Variants in SNTB1 observed in about 807,000 individuals in gnomAD.
The protein encoded by SNTB1 is beta-1-syntrophin.
SNTB1 carries 36 observed loss-of-function variants against 48.9 expected under a neutral mutation model. The ratio of observed to expected loss-of-function variants is 0.74; its 90% confidence interval spans 0.56 to 0.97. The LOEUF is 0.97. SNTB1 is among the 50% of genes least tolerant of loss of function. SNTB1 has a pLI of 0.00. For missense variants in SNTB1, 786 were observed against 703.4 expected (o/e 1.12, Z -1.33); for synonymous variants, 299 against 294.6 (o/e 1.01, Z -0.15).
chr8:120,579,851 C>A (rs2130692855), intron 3 of SNTB1, among the ~76,000 whole-genome samples: 1 of 151,918 alleles, frequency 6.6e-6, no homozygotes, highest in Middle Eastern at 3.4e-3. Context: ...TGAATTCGTG[C>A]ACATATAGGA....
At chr8:120,665,351 C>G (rs565265883) in intron 2 of SNTB1, among the ~76,000 whole-genome samples, 1 of 152,226 alleles carries the variant, frequency 6.6e-6, no homozygotes, top group South Asian at 2.1e-4. Context: ...ACTCGGGAGG[C>G]TGAGGCAGGA....
chr8:120,574,651 G>A (rs1042021866), intron 4 of SNTB1, among the ~76,000 whole-genome samples: 3 of 152,186 alleles, frequency 2.0e-5, no homozygotes, highest in Non-Finnish European at 4.4e-5. Context: ...GAAATAACTT[G>A]TTATGAGATT....
chr8:120,637,039 AC>A (rs1817091579), intron 2 of SNTB1: 3 of 367,366 alleles, frequency 8.2e-6, no homozygotes. Context: ...TCTATAAGTA[AC>A]TGAACAACAT....
chr8:120,583,016 C>T (rs1816074579), intron 3 of SNTB1, among the ~76,000 whole-genome samples: 1 of 152,096 alleles, frequency 6.6e-6, no homozygotes, highest in Non-Finnish European at 1.5e-5. Context: ...CATCTATAAT[C>T]CCAGCGATTT....
chr8:120,626,609 A>G (rs1163304573), intron 3 of SNTB1, among the ~76,000 whole-genome samples: 3 of 152,182 alleles, frequency 2.0e-5, no homozygotes, highest in Admixed American at 1.3e-4. Flanking sequence ...AACTTATAAT[A>G]TAGAACAAGC....
chr8:120,648,960 G>A (rs545599791), intron 2 of SNTB1, among the ~76,000 whole-genome samples: 30 of 150,106 alleles, frequency 2.0e-4, no homozygotes, highest in East Asian at 2.0e-4. Flanking sequence ...TGATCGCATC[G>A]GCTCCTGAGG....
At chr8:120,662,930 A>T (rs1817613830) in intron 2 of SNTB1, among the ~76,000 whole-genome samples, 1 of 147,884 alleles carries the variant, frequency 6.8e-6, no homozygotes, top group Non-Finnish European at 1.5e-5. Context: ...CCTGCTAGGT[A>T]CTGGAGATAC....
At chr8:120,778,405 T>C (rs192759066) in intron 1 of SNTB1, among the ~76,000 whole-genome samples, 98 of 152,302 alleles carry the variant, frequency 6.4e-4, no homozygotes, top group African/African-American at 2.3e-3. Context: ...TTCAGATGCA[T>C]TTAGGAAGGC....
chr8:120,796,577 G>A (rs1032238407), intron 1 of SNTB1, among the ~76,000 whole-genome samples: 9 of 152,002 alleles, frequency 5.9e-5, no homozygotes, highest in South Asian at 2.1e-4. Flanking sequence ...TGCCTGGGAC[G>A]TGCTCCTGAG....
At chr8:120,763,876 T>C (rs1256565604) in intron 1 of SNTB1, among the ~76,000 whole-genome samples, 1 of 152,094 alleles carries the variant, frequency 6.6e-6, no homozygotes, top group Admixed American at 6.6e-5. Flanking sequence ...AGGCTGGTCT[T>C]GAACTCCTGG....
chr8:120,672,850 A>AG (rs891683297), intron 2 of SNTB1, among the ~76,000 whole-genome samples: 49 of 152,194 alleles, frequency 3.2e-4, no homozygotes, highest in African/African-American at 1.1e-3. Context: ...CAGTTATCAC[A>AG]GGGGGATGAT....
chr8:120,718,517 T>G (rs1363315184), intron 1 of SNTB1, among the ~76,000 whole-genome samples: 1 of 152,272 alleles, frequency 6.6e-6, no homozygotes, highest in Non-Finnish European at 1.5e-5. Flanking sequence ...TACATGTTTG[T>G]AAATTTGATT....
intron 3 of SNTB1, among the ~76,000 whole-genome samples, chr8:120,598,364 C>A (rs141518561): frequency 1.2e-4 from 19 of 152,356 alleles, no homozygotes; most frequent in African/African-American, 4.3e-4. Flanking sequence ...AGCCCCACTT[C>A]TTTATGCGAG....
chr8:120,680,594 G>A (rs1817914788), intron 2 of SNTB1, among the ~76,000 whole-genome samples: 1 of 152,098 alleles, frequency 6.6e-6, no homozygotes, highest in African/African-American at 2.4e-5. Context: ...AAAGAGCAGG[G>A]GTGTCTTTGT....
intron 1 of SNTB1, among the ~76,000 whole-genome samples, chr8:120,773,239 C>T (rs1819671690): frequency 1.3e-5 from 2 of 152,036 alleles, no homozygotes; most frequent in South Asian, 2.1e-4. Context: ...AGATTGAGGC[C>T]GGGCATGATG....
chr8:120,581,957 C>T (rs1231402359), intron 3 of SNTB1, among the ~76,000 whole-genome samples: 1 of 152,024 alleles, frequency 6.6e-6, no homozygotes, highest in Non-Finnish European at 1.5e-5. Flanking sequence ...ATTGCTTGAA[C>T]CCGGGAGGTG....
At chr8:120,588,900 G>C (rs543044464) in intron 3 of SNTB1, among the ~76,000 whole-genome samples, 2 of 152,294 alleles carry the variant, frequency 1.3e-5, no homozygotes, top group East Asian at 3.9e-4. Context: ...TCTATAGGGA[G>C]GGGCCTGGGT....
intron 3 of SNTB1, among the ~76,000 whole-genome samples, chr8:120,616,345 C>T (rs1008396026): frequency 6.8e-6 from 1 of 147,832 alleles, no homozygotes; most frequent in Non-Finnish European, 1.5e-5. Context: ...TTTCACATGG[C>T]CTGGGGTACA....
intron 5 of SNTB1, among the ~76,000 whole-genome samples, chr8:120,546,056 A>G (rs1815375230): frequency 1.3e-5 from 2 of 152,222 alleles, no homozygotes; most frequent in Admixed American, 1.3e-4. Flanking sequence ...TAAAGCCCCT[A>G]CTTGTGACTA....
Sources: gnomAD v4.1 joint callset for allele counts (sites outside exome capture counted in the v4.1 genomes callset) on GRCh38, gnomAD v4.1.1 for gene constraint, MANE v1.5 for transcripts, NCBI Gene and HGNC (gene_info 2026-07-23, HGNC 2026-07-21) for gene names.